AP5M1: variants seen among roughly 807,000 people sequenced by gnomAD.
AP5M1 encodes the protein adaptor related protein complex 5 subunit mu 1, also known as AP-5 complex subunit mu-1.
A neutral mutation model predicts 52.3 loss-of-function variants in AP5M1; 44 were observed. The ratio of observed to expected loss-of-function variants is 0.84; its 90% CI spans 0.66 to 1.08. The LOEUF is 1.08. AP5M1 is among the 50% of genes least tolerant of loss of function. The probability of loss-of-function intolerance (pLI) is 0.00; values close to 1 mark genes in which losing one functional copy is unlikely to be tolerated. For synonymous variants in AP5M1, 213 were observed against 199.0 expected, an observed-to-expected ratio of 1.07 and a Z score of -0.59; for missense variants, 526 against 568.4, an observed-to-expected ratio of 0.93 and a Z score of 0.76.
chr14:57,290,268 C>T lies in AP5M1; in HGVS notation c.*1384C>T, dbSNP rs1269725234. ...CAAAGCATTATCATGGCATAAGGTTCTATGTTCAAAATTATCCCAAGTAAC... is the reference window on the plus strand; with the variant it reads ...CAAAGCATTATCATGGCATAAGGTTTTATGTTCAAAATTATCCCAAGTAAC... On this transcript the variant is annotated 3_prime_UTR_variant, in exon 8 of 8. Coordinates refer to ENST00000261558, the MANE Select transcript of AP5M1 (RefSeq NM_018229.4). 6.6e-6 allele frequency: 1 copy of T among 151,920 alleles called. No individual in the cohort carries two copies. The highest frequency in any genetic ancestry group is 1.5e-5 in the Non-Finnish European group (1 of 67,908). 9.4% of individuals were successfully genotyped at this position (151,920 alleles called of 1,614,324 possible).
intron 7 of AP5M1, among the ~76,000 whole-genome samples, chr14:57,287,410 A>G (rs1384928502): frequency 6.6e-6 from 1 of 152,082 alleles, no homozygotes; most frequent in Non-Finnish European, 1.5e-5. Flanking sequence ...AACCAGAATA[A>G]ACCAGTATTC....
chr14:57,275,039 T>A (rs1476451098), intron 2 of AP5M1, 150 bp downstream of exon 2: 1 of 809,322 alleles, frequency 1.2e-6, no homozygotes, highest in African/African-American at 1.7e-5. Flanking sequence ...TTATGTTATC[T>A]TTTTGCATTC....
chr14:57,271,080 TA>T (rs1387444351), intron 1 of AP5M1: 1 of 152,248 alleles, frequency 6.6e-6, no homozygotes, highest in Non-Finnish European at 1.5e-5. Context: ...GATTTTTATT[TA>T]AGTTTAAATA....
rs1277032097 is a variant in AP5M1 at position 57,295,447 on chromosome 14, A to C, written c.*6563A>C. 6.6e-6 allele frequency: 1 copy of C among 151,986 alleles called. No individual in the cohort carries two copies. The highest frequency in any genetic ancestry group is 2.4e-5 in the African/African-American group (1 of 41,418). The allele number at this position is 151,986 out of a possible 1,614,324, so 9.4% of individuals were successfully genotyped here. On this transcript the variant is annotated 3_prime_UTR_variant, in exon 8 of 8. Coordinates refer to ENST00000261558, the MANE Select transcript of AP5M1 (RefSeq NM_018229.4). ...GAAAAAATGCACTCGGTTTTGCATT[A>C]ACAAAGGAAACATTATTAAAGTGAA...
At position 57,282,161 on chromosome 14, in the gene AP5M1, T is replaced by G. The variant is rs776705016; in HGVS notation, c.1021T>G (p.Leu341Val). ...AGTACAACTAAGAATAACCATTAATTTAAAACTTCATGAAAGTGTGAAAAA... is the reference window on the plus strand; with the variant it reads ...AGTACAACTAAGAATAACCATTAATGTAAAACTTCATGAAAGTGTGAAAAA... ...EEVQLRITIN[L>V]KLHESVKNNF... Residue 341 changes from leucine to valine, a missense_variant, in exon 4 of 8, where the codon TTA becomes GTA. Leu to Val is a conservative substitution (Grantham distance 32, BLOSUM62 1). Transcript: ENST00000261558. The G allele has an allele frequency of 2.5e-6, 4 of 1,582,104 alleles. No homozygotes were observed. The highest frequency in any genetic ancestry group is 2.6e-6 in the Non-Finnish European group (3 of 1,168,414).
In AP5M1 at chr14:57,286,300, A is replaced by G; in HGVS notation, c.1371A>G (p.Gly457=). The change falls in exon 7 of 8, where the codon GGA becomes GGG. Residue 457 remains glycine, a synonymous_variant. Coordinates refer to ENST00000261558, the MANE Select transcript of AP5M1 (RefSeq NM_018229.4). ...ATTCAGTTCAAGTTTTTGCATCAGG[A>G]AAACCAAAAATAAGTGCACGTAAGT... ...DQHSVQVFAS[G]KPKISAHRKL... is the part of the protein sequence containing the mutation. 1 of 1,610,384 alleles carries G rather than the reference A, an allele frequency of 6.2e-7. No homozygotes were observed.
At position 57,294,242 on chromosome 14, in the gene AP5M1, ATTT is replaced by A. The variant is rs945116709; in HGVS notation, c.*5364_*5366del. ...CTCCACACTAAAAACCACCTGCTGA[ATTT>A]TTTTTCCAGTAGGATGTGAAATTTT... On this transcript the variant is annotated 3_prime_UTR_variant, in exon 8 of 8. Transcript: ENST00000261558. 1 of 151,662 alleles carries A rather than the reference ATTT, an allele frequency of 6.6e-6. No homozygotes were observed. The highest frequency in any genetic ancestry group is 1.5e-5 in the Non-Finnish European group (1 of 67,764). The allele number at this position is 151,662 out of a possible 1,614,324, so 9.4% of individuals were successfully genotyped here.
intron 2 of AP5M1, among the ~76,000 whole-genome samples, chr14:57,279,278 A>C (rs1185069597): frequency 6.6e-6 from 1 of 152,206 alleles, no homozygotes. Context: ...TGGAATCAAC[A>C]TAAGTGCCTA....
chr14:57,273,489 A>G (rs973721280), intron 1 of AP5M1, among the ~76,000 whole-genome samples: 1 of 152,218 alleles, frequency 6.6e-6, no homozygotes, highest in Non-Finnish European at 1.5e-5. Context: ...GGAAAAGTAC[A>G]TATTTTGGAA....
chr14:57,279,825 T>A (rs558945504), intron 2 of AP5M1, among the ~76,000 whole-genome samples: 1 of 152,258 alleles, frequency 6.6e-6, no homozygotes, highest in East Asian at 1.9e-4. Context: ...TTAAGATAGC[T>A]CTGGCATTAA....
At chr14:57,269,731 G>A (rs1884831017) in intron 1 of AP5M1, among the ~76,000 whole-genome samples, 1 of 152,214 alleles carries the variant, frequency 6.6e-6, no homozygotes, top group South Asian at 2.1e-4. Context: ...TTTTCAACAT[G>A]CATTGACAAA....
Position 57,293,463 on chromosome 14 carries a change from G to C in AP5M1, c.*4579G>C, listed in dbSNP as rs1272192070. 1 of 151,548 alleles carries C rather than the reference G, an allele frequency of 6.6e-6. No homozygotes were observed. Among genetic ancestry groups the C allele is most frequent in the Non-Finnish European group, 1.5e-5 (1 of 67,730 alleles). 9.4% of individuals were successfully genotyped at this position (151,548 alleles called of 1,614,324 possible). On this transcript the variant is annotated 3_prime_UTR_variant, in exon 8 of 8. Transcript: ENST00000261558. ...TCAAAGAAGTGCATACCTAACTTACGTTTGTGCCAAGCCAGCCTCCTCTAG... is the reference window on the plus strand; with the variant it reads ...TCAAAGAAGTGCATACCTAACTTACCTTTGTGCCAAGCCAGCCTCCTCTAG...
chr14:57,275,147 C>T, intron 2 of AP5M1: 1 of 467,362 alleles, frequency 2.1e-6, no homozygotes, highest in Non-Finnish European at 3.8e-6. Flanking sequence ...TAGGGATTAG[C>T]TTAGCTGGGA....
Position 57,297,936 on chromosome 14 carries a change from T to C in AP5M1, c.*9052T>C, listed in dbSNP as rs1885586032. 7 of 152,182 alleles carry C rather than the reference T, an allele frequency of 4.6e-5. No homozygotes were observed. The highest frequency in any genetic ancestry group is 4.6e-4 in the Admixed American group (7 of 15,260). 9.4% of individuals were successfully genotyped at this position (152,182 alleles called of 1,614,324 possible). On this transcript the variant is annotated 3_prime_UTR_variant, in exon 8 of 8. Transcript: ENST00000261558. ...GGCACAGGTGAATTCTGCCCTGCGATTGCCATCTTTAGCACTTTTCAGAGA... is the reference window on the plus strand; with the variant it reads ...GGCACAGGTGAATTCTGCCCTGCGACTGCCATCTTTAGCACTTTTCAGAGA...
At chr14:57,269,482 A>AT in intron 1 of AP5M1, 94 bp downstream of exon 1, 1 of 1,266,484 alleles carries the variant, frequency 7.9e-7, no homozygotes, top group Admixed American at 1.8e-5. Flanking sequence ...TTTGCCACGA[A>AT]TAGCTGCGTG....
rs1885496359 is a variant in AP5M1 at position 57,293,972 on chromosome 14, T to C, written c.*5088T>C. 6.6e-6 allele frequency: 1 copy of C among 151,640 alleles called. No individual in the cohort carries two copies. The allele number at this position is 151,640 out of a possible 1,614,324, so 9.4% of individuals were successfully genotyped here. On this transcript the variant is annotated 3_prime_UTR_variant, in exon 8 of 8. Coordinates refer to ENST00000261558, the MANE Select transcript of AP5M1 (RefSeq NM_018229.4). Reference sequence around the variant, plus strand: ...GTGATTGAAACAAAGTGATTAAAACTCTTATGACCTGAAGGCTTTCCAACT... The same window carrying C: ...GTGATTGAAACAAAGTGATTAAAACCCTTATGACCTGAAGGCTTTCCAACT...
rs375040437 is a variant in AP5M1, at chr14:57,288,889, C to T, written c.*5C>T. The stretch of plus-strand genomic sequence containing the variant: ...TATGGATCATTATTATTGTAATAGT[C>T]TCATGTTTAAATGGGATTATATAAT... On this transcript the variant is annotated 3_prime_UTR_variant, in exon 8 of 8. Coordinates refer to ENST00000261558, the MANE Select transcript of AP5M1 (RefSeq NM_018229.4). The T allele has an allele frequency of 1.3e-4, 189 of 1,473,514 alleles. No homozygotes were observed. The highest frequency in any genetic ancestry group is 1.7e-4 in the Non-Finnish European group (181 of 1,065,186). The allele number at this position is 1,473,514 out of a possible 1,614,324, so 91.3% of individuals were successfully genotyped here.
chr14:57,283,913 G>A (rs1266919287), intron 6 of AP5M1, among the ~76,000 whole-genome samples: 1 of 152,086 alleles, frequency 6.6e-6, no homozygotes. Flanking sequence ...CTAAGCCTGG[G>A]GAGTTCGAGG....
At position 57,297,534 on chromosome 14, in the gene AP5M1, T is replaced by A. The variant is rs1001626270; in HGVS notation, c.*8650T>A. 2 of 152,148 alleles carry A rather than the reference T, an allele frequency of 1.3e-5. No individual in the cohort carries two copies. The highest frequency in any genetic ancestry group is 6.6e-5 in the Admixed American group (1 of 15,244). 9.4% of individuals were successfully genotyped at this position (152,148 alleles called of 1,614,324 possible). A position where few individuals can be genotyped will look rare whatever the true frequency, so the allele number is the denominator to read the frequency against. The stretch of plus-strand genomic sequence containing the variant: ...GATAGTTCACATCCAGTAGAACTTC[T>A]ACCTTGGAAAACATTCTTAGCCTTG... On this transcript the variant is annotated 3_prime_UTR_variant, in exon 8 of 8. Coordinates refer to ENST00000261558, the MANE Select transcript of AP5M1 (RefSeq NM_018229.4).
Sources: allele counts gnomAD v4.1 joint callset (sites outside exome capture counted in the v4.1 genomes callset), GRCh38; gene constraint gnomAD v4.1.1; transcripts MANE v1.5; gene names NCBI Gene and HGNC (gene_info 2026-07-23, HGNC 2026-07-21).